The following BMAL1 variants were observed in gnomAD, a reference collection of about 807,000 sequenced individuals.
The protein encoded by BMAL1 is basic helix-loop-helix ARNT-like protein 1.
At chr11:13,292,361 G>A in the BMAL1 span, among the ~76,000 whole-genome samples, 1 of 151,800 alleles carries the variant, frequency 6.6e-6, no homozygotes, top group Non-Finnish European at 1.5e-5. Context: ...TGCTAGCACG[G>A]TGAAACCCCG....
At chr11:13,328,912 T>A in the BMAL1 span, among the ~76,000 whole-genome samples, 1 of 152,192 alleles carries the variant, frequency 6.6e-6, no homozygotes, top group Non-Finnish European at 1.5e-5. Flanking sequence ...GAATGGGAGA[T>A]CTAATTATTT....
chr11:13,366,811 T>C, the BMAL1 span: 1 of 1,589,942 alleles, frequency 6.3e-7, no homozygotes, highest in Non-Finnish European at 8.6e-7. Context: ...TCGCATTTCC[T>C]CAGCAGCCCA....
chr11:13,365,684 CAT>C, the BMAL1 span: 1 of 969,234 alleles, frequency 1.0e-6, no homozygotes, highest in Non-Finnish European at 1.6e-6. Context: ...ATACAAGTCA[CAT>C]GTGAACTTCT....
chr11:13,355,097 C>G, the BMAL1 span: 6 of 690,748 alleles, frequency 8.7e-6, no homozygotes, highest in South Asian at 9.2e-5. Context: ...TTCAAAGGCA[C>G]ATTTTGTTTT....
the BMAL1 span, among the ~76,000 whole-genome samples, chr11:13,337,594 T>C: frequency 2.6e-5 from 4 of 152,238 alleles, no homozygotes; most frequent in Non-Finnish European, 5.9e-5. Flanking sequence ...TTACCACATC[T>C]TCACTAATAC....
At chr11:13,283,760 C>G in the BMAL1 span, among the ~76,000 whole-genome samples, 2,739 of 152,204 alleles carry the variant, frequency 0.018, 80 homozygotes, top group African/African-American at 0.062. Context: ...GACCTGGATG[C>G]TACCTGAGCA....
the BMAL1 span, chr11:13,360,415 C>T: frequency 6.2e-7 from 1 of 1,612,940 alleles, no homozygotes; most frequent in Non-Finnish European, 8.5e-7. Flanking sequence ...TGAAACACCT[C>T]ATTCTCAGGG....
the BMAL1 span, among the ~76,000 whole-genome samples, chr11:13,346,193 A>T: frequency 6.6e-6 from 1 of 152,204 alleles, no homozygotes; most frequent in Admixed American, 6.5e-5. Context: ...GTCCTTTAGA[A>T]AGTTGTGGCT....
chr11:13,319,228 T>A, the BMAL1 span, among the ~76,000 whole-genome samples: 1 of 152,258 alleles, frequency 6.6e-6, no homozygotes, highest in Non-Finnish European at 1.5e-5. Flanking sequence ...GGTTGTATGT[T>A]AAGTAAATTT....
At chr11:13,371,142 C>G in the BMAL1 span, among the ~76,000 whole-genome samples, 3 of 152,222 alleles carry the variant, frequency 2.0e-5, no homozygotes, top group Admixed American at 6.5e-5. Context: ...GTTTTTCACT[C>G]TATTCCAGTA....
chr11:13,386,768 T>C, the BMAL1 span: 626 of 1,612,454 alleles, frequency 3.9e-4, no homozygotes, highest in Non-Finnish European at 4.9e-4. Context: ...CACTACATGT[T>C]GCTTTGGCAA....
At chr11:13,378,602 G>A in the BMAL1 span, 1 of 946,524 alleles carries the variant, frequency 1.1e-6, no homozygotes, top group Admixed American at 2.8e-5. Context: ...AGAGACCAGG[G>A]ATGCTGCTTG....
At chr11:13,308,892 A>G in the BMAL1 span, among the ~76,000 whole-genome samples, 1 of 152,026 alleles carries the variant, frequency 6.6e-6, no homozygotes, top group African/African-American at 2.4e-5. Context: ...CATTTGGCAA[A>G]AACTTATTGG....
chr11:13,279,415 A>G, the BMAL1 span, among the ~76,000 whole-genome samples: 1 of 152,218 alleles, frequency 6.6e-6, no homozygotes, highest in African/African-American at 2.4e-5. Context: ...CTATTATTAA[A>G]TGACAACTAT....
chr11:13,332,163 C>G, the BMAL1 span, among the ~76,000 whole-genome samples: 1 of 152,140 alleles, frequency 6.6e-6, no homozygotes, highest in African/African-American at 2.4e-5. Flanking sequence ...GGGCTGTGGG[C>G]AGATCCAGCA....
chr11:13,326,437 C>T, the BMAL1 span: 1 of 152,394 alleles, frequency 6.6e-6, no homozygotes, highest in South Asian at 2.1e-4. Flanking sequence ...GGAATCTACG[C>T]TAGAGGGCTT....
the BMAL1 span, among the ~76,000 whole-genome samples, chr11:13,343,336 A>T: frequency 6.6e-6 from 1 of 152,092 alleles, no homozygotes; most frequent in South Asian, 2.1e-4. Flanking sequence ...TGTTAGGGGG[A>T]TTGATGGTTC....
chr11:13,327,109 T>C, the BMAL1 span, among the ~76,000 whole-genome samples: 97 of 151,818 alleles, frequency 6.4e-4, no homozygotes, highest in African/African-American at 2.1e-3. Context: ...TGTGAGCCAC[T>C]GCGCCCAGCC....
the BMAL1 span, among the ~76,000 whole-genome samples, chr11:13,315,199 T>G: frequency 1.3e-5 from 2 of 152,346 alleles, no homozygotes; most frequent in East Asian, 3.9e-4. Flanking sequence ...ATGCTTGTGA[T>G]GCTGCCTCCC....
Sources: allele counts gnomAD v4.1 joint callset (sites outside exome capture counted in the v4.1 genomes callset), GRCh38; gene constraint gnomAD v4.1.1; transcripts MANE v1.5; gene names NCBI Gene and HGNC (gene_info 2026-07-23, HGNC 2026-07-21).